Variants in IL10RB observed in about 807,000 individuals in gnomAD.
IL10RB encodes interleukin 10 receptor subunit beta.
IL10RB carries 30 observed loss-of-function variants against 38.7 expected under a neutral mutation model. The observed-to-expected ratio is 0.78, with a 90% confidence interval of 0.58 to 1.05. The LOEUF is 1.05. IL10RB is among the 50% of genes least tolerant of loss of function. IL10RB has a pLI of 0.00. For synonymous variants in IL10RB, 142 were observed against 145.9 expected (o/e 0.97, Z 0.19); for missense variants, 328 against 397.1 (o/e 0.83, Z 1.48).
At chr21:33,308,819 G>A (rs568003571) in intron 1 of IL10RB, 59 of 152,366 alleles carry the variant, frequency 3.9e-4, no homozygotes, top group African/African-American at 1.4e-3. Flanking sequence ...GCGACTGTGA[G>A]GGAGAGGTCT....
Position 33,276,579 on chromosome 21 carries a change from T to C in IL10RB, c.174-17T>C, listed in dbSNP as rs1219509625. On this transcript the variant is annotated splice_polypyrimidine_tract_variant and intron_variant, in intron 2 of 6. Coordinates refer to ENST00000290200, the MANE Select transcript of IL10RB (RefSeq NM_000628.5). ...AGCCAGAACTCTCCTGATTGACCTA[T>C]CTTTTTGATTGTGTAGTTATAGGAT... The C allele has an allele frequency of 6.2e-7, 1 of 1,609,382 alleles. No individual in the cohort carries two copies. The highest frequency in any genetic ancestry group is 8.5e-7 in the Non-Finnish European group (1 of 1,175,902).
rs547604218 is a variant in IL10RB, at chr21:33,268,271, C to G, written c.50-123C>G. 4.0e-5 allele frequency: 63 copies of G among 1,563,030 alleles called. No individual in the cohort carries two copies. The East Asian group carries it at 1.3e-3, about 32-fold the overall frequency. The stretch of plus-strand genomic sequence containing the variant: ...GCACAGCCAACCTGTCTCTCCCTCC[C>G]TCACCCACGTGGCCTTTGAAGACAT... On this transcript the variant is annotated intron_variant, in intron 1 of 6. Transcript: ENST00000290200.
chr21:33,287,443 C>T (rs988255054), intron 5 of IL10RB, among the ~76,000 whole-genome samples: 4 of 152,006 alleles, frequency 2.6e-5, no homozygotes, highest in African/African-American at 7.2e-5. Context: ...ATCACAGCCT[C>T]GACCTCCCAG....
intron 2 of IL10RB, among the ~76,000 whole-genome samples, chr21:33,269,205 C>T (rs1040054923): frequency 3.9e-5 from 6 of 152,198 alleles, no homozygotes; most frequent in Non-Finnish European, 8.8e-5. Flanking sequence ...ATCTGAACGC[C>T]CTCTACCTCT....
At chr21:33,300,917 C>T (rs1410276884), downstream of IL10RB, among the ~76,000 whole-genome samples, 1 of 152,224 alleles carries the variant, frequency 6.6e-6, no homozygotes, top group East Asian at 1.9e-4. Flanking sequence ...AACCACCCAG[C>T]TTGCGATCAT....
chr21:33,300,097 A>G (rs773282645), downstream of IL10RB, among the ~76,000 whole-genome samples: 3 of 152,210 alleles, frequency 2.0e-5, no homozygotes, highest in Non-Finnish European at 4.4e-5. Flanking sequence ...GCCTAATAAG[A>G]TAATCCTAAG....
chr21:33,274,094 T>C (rs1989128785), intron 2 of IL10RB, among the ~76,000 whole-genome samples: 1 of 151,964 alleles, frequency 6.6e-6, no homozygotes, highest in South Asian at 2.1e-4. Context: ...TTCTGGGAGG[T>C]TTTCAATTTA....
At chr21:33,299,322 C>T (rs1272776807), downstream of IL10RB, among the ~76,000 whole-genome samples, 1 of 152,176 alleles carries the variant, frequency 6.6e-6, no homozygotes, top group South Asian at 2.1e-4. Flanking sequence ...AAGGGAAGAA[C>T]ACCTGTGGGA....
chr21:33,295,745 AAAT>A (rs1211945541), intron 6 of IL10RB, among the ~76,000 whole-genome samples: 1 of 151,794 alleles, frequency 6.6e-6, no homozygotes, highest in Non-Finnish European at 1.5e-5. Flanking sequence ...AAATAAAAAT[AAAT>A]AATAAATCAA....
At chr21:33,270,446 T>G (rs1989055157) in intron 2 of IL10RB, among the ~76,000 whole-genome samples, 1 of 151,224 alleles carries the variant, frequency 6.6e-6, no homozygotes, top group Admixed American at 6.6e-5. Flanking sequence ...AGTAGCGCGA[T>G]CTCATCTCAC....
downstream of IL10RB, among the ~76,000 whole-genome samples, chr21:33,298,042 ACTC>A (rs1247338997): frequency 1.3e-5 from 2 of 151,912 alleles, no homozygotes; most frequent in African/African-American, 2.4e-5. Context: ...GGCAGAATTA[ACTC>A]CTCCTCAAGG....
In IL10RB at chr21:33,277,510, A is replaced by C. The variant is rs1027940010; in HGVS notation, c.331+757A>C. ...GAGGTTAAAAGAACCTAATTCACAAAATTCACATACAGCCCTTCAAAACTC... is the reference window on the plus strand; with the variant it reads ...GAGGTTAAAAGAACCTAATTCACAACATTCACATACAGCCCTTCAAAACTC... On this transcript the variant is annotated intron_variant, in intron 3 of 6. Transcript: ENST00000290200. Among the ~76,000 whole-genome samples the C allele has an allele frequency of 2.0e-5, 3 of 151,950 alleles. No individual in the cohort carries two copies. The South Asian group carries it at 6.2e-4, about 32-fold the overall frequency.
intron 2 of IL10RB, 56 bp downstream of exon 2, chr21:33,268,573 GTCA>G: frequency 7.8e-7 from 1 of 1,287,350 alleles, no homozygotes; most frequent in Non-Finnish European, 1.1e-6. Flanking sequence ...CCCTGGGCTG[GTCA>G]CTGGGTTGGG....
intron 1 of IL10RB, among the ~76,000 whole-genome samples, chr21:33,307,942 G>A (rs2083002780): frequency 6.6e-6 from 1 of 152,140 alleles, no homozygotes; most frequent in African/African-American, 2.4e-5. Flanking sequence ...ACAGTGCTTG[G>A]TGCTTAATAG....
intron 6 of IL10RB, 106 bp downstream of exon 6, chr21:33,288,367 A>C (rs1989416884): frequency 2.5e-6 from 2 of 786,890 alleles, no homozygotes; most frequent in Admixed American, 3.9e-5. Context: ...CCAGGAAAAC[A>C]CACACGCGCG....
In IL10RB at chr21:33,309,523, C is replaced by A. The variant is rs189057692; in HGVS notation, c.*542C>A. 2.6e-5 allele frequency: 4 copies of A among 152,260 alleles called. No homozygotes were observed. The East Asian group carries it at 7.7e-4, about 29-fold the overall frequency. 9.4% of individuals were successfully genotyped at this position (152,260 alleles called of 1,614,324 possible). ...TCTTTTATTACCTTTCACTGAGAAA[C>A]AATTTATACTACTAAACAAGATATC... On this transcript the variant is annotated 3_prime_UTR_variant, in exon 2 of 2. Transcript: ENST00000609556.
chr21:33,306,363 G>A (rs1248606216), intron 1 of IL10RB, among the ~76,000 whole-genome samples: 1 of 152,172 alleles, frequency 6.6e-6, no homozygotes, highest in Non-Finnish European at 1.5e-5. Context: ...ATATTCATGT[G>A]TATCAGATTT....
At position 33,296,421 on chromosome 21, in the gene IL10RB, T is replaced by C. The variant is rs750510923; in HGVS notation, c.*64T>C. ...GTACTCCATCTCACATCTGCCTCAG[T>C]GAGGGATCAGGGCAGCAAACAAGGG... On this transcript the variant is annotated 3_prime_UTR_variant, in exon 7 of 7. Transcript: ENST00000290200. 2.6e-6 allele frequency: 4 copies of C among 1,525,352 alleles called. No homozygotes were observed. The African/African-American group carries it at 5.5e-5, about 21-fold the overall frequency. The allele number at this position is 1,525,352 out of a possible 1,614,324, so 94.5% of individuals were successfully genotyped here. A position where few individuals can be genotyped will look rare whatever the true frequency, so the allele number is the denominator to read the frequency against.
chr21:33,287,733 G>T (rs1051806541), intron 5 of IL10RB, among the ~76,000 whole-genome samples: 1 of 152,110 alleles, frequency 6.6e-6, no homozygotes, highest in Admixed American at 6.5e-5. Context: ...GAACGAGATG[G>T]TGCCTGTGTT....
Sources: allele counts gnomAD v4.1 joint callset (sites outside exome capture counted in the v4.1 genomes callset), GRCh38; gene constraint gnomAD v4.1.1; transcripts MANE v1.5; gene names NCBI Gene and HGNC (gene_info 2026-07-23, HGNC 2026-07-21).